Variants in THRB observed in about 807,000 individuals in gnomAD.
The protein encoded by THRB is thyroid hormone receptor beta, also known as nuclear receptor subfamily 1 group A member 2.
In THRB, 12 loss-of-function variants were observed where a neutral mutation model predicts 47.8. The ratio of observed to expected loss-of-function variants is 0.25; its 90% confidence interval spans 0.16 to 0.41. The LOEUF (loss-of-function observed/expected upper bound fraction) is 0.41. Ranked by LOEUF, THRB falls within the 10% of genes least tolerant of loss-of-function variation. The pLI is 1.00. For synonymous variants in THRB, 218 were observed against 212.2 expected, an observed-to-expected ratio of 1.03 and a Z score of -0.24; for missense variants, 348 against 589.2, an observed-to-expected ratio of 0.59 and a Z score of 4.24.
At chr3:24,346,663 A>G (rs1000806782) in intron 1 of THRB, among the ~76,000 whole-genome samples, 3 of 152,176 alleles carry the variant, frequency 2.0e-5, no homozygotes, top group Admixed American at 6.5e-5. Flanking sequence ...AAACTTAATG[A>G]CAAGGGATAT....
chr3:24,269,685 C>T (rs1042335205), intron 3 of THRB, among the ~76,000 whole-genome samples: 1 of 151,684 alleles, frequency 6.6e-6, no homozygotes, highest in African/African-American at 2.4e-5. Context: ...ATCCTCCCAC[C>T]TCAGCCTCCC....
intron 1 of THRB, among the ~76,000 whole-genome samples, chr3:24,479,384 T>C (rs1696024775): frequency 6.6e-6 from 1 of 152,068 alleles, no homozygotes; most frequent in South Asian, 2.1e-4. Context: ...CCCAACAAAT[T>C]ATGTGCTCTA....
chr3:24,170,527 G>A (rs1450780408), intron 5 of THRB, among the ~76,000 whole-genome samples: 2 of 152,176 alleles, frequency 1.3e-5, no homozygotes, highest in Non-Finnish European at 2.9e-5. Context: ...CCAAAAGGTG[G>A]TCCTTCCCCA....
In THRB at chr3:24,123,073, G is replaced by A; in HGVS notation, c.1197C>T (p.Phe399=). The change falls in exon 11 of 11, where the codon TTC becomes TTT. Residue 399 remains phenylalanine (F), a synonymous_variant. Coordinates refer to ENST00000646209, the MANE Select transcript of THRB (RefSeq NM_001354712.2). ...TGATATAGTGTTCAAAGGCCAGCAGGAAACTATCTTGGTACTTTTCTATTC... is the reference window on the plus strand; with the variant it reads ...TGATATAGTGTTCAAAGGCCAGCAGAAAACTATCTTGGTACTTTTCTATTC... ...VERIEKYQDS[F]LLAFEHYINY... is the part of the protein sequence containing the mutation. The A allele has an allele frequency of 6.2e-7, 1 of 1,614,188 alleles. No individual in the cohort carries two copies. The highest frequency in any genetic ancestry group is 8.5e-7 in the Non-Finnish European group (1 of 1,180,032).
rs1192631600 is a variant in THRB at position 24,228,888 on chromosome 3, G to A, written c.22+50C>T. 3.2e-6 allele frequency: 5 copies of A among 1,553,114 alleles called. No individual in the cohort carries two copies. In the South Asian group the frequency reaches 5.8e-5, roughly 18 times the overall value. ...TTAAGAATCTATAATTTCACTCTAG[G>A]TGGAACAAAAATGGAGGCACACAAA... On this transcript the variant is annotated intron_variant, in intron 4 of 10. Coordinates refer to ENST00000646209, the MANE Select transcript of THRB (RefSeq NM_001354712.2).
chr3:24,334,938 C>G (rs2062147442), intron 2 of THRB, among the ~76,000 whole-genome samples: 1 of 152,200 alleles, frequency 6.6e-6, no homozygotes, highest in Non-Finnish European at 1.5e-5. Flanking sequence ...AATGGGTATA[C>G]AACATGTGTA....
At chr3:24,462,342 G>A (rs1227699030) in intron 1 of THRB, among the ~76,000 whole-genome samples, 1 of 152,180 alleles carries the variant, frequency 6.6e-6, no homozygotes, top group Non-Finnish European at 1.5e-5. Context: ...TGATCTCTAT[G>A]TATCTCTCCA....
intron 2 of THRB, among the ~76,000 whole-genome samples, chr3:24,319,671 A>G (rs924038317): frequency 3.3e-5 from 5 of 152,220 alleles, no homozygotes; most frequent in Admixed American, 2.0e-4. Context: ...TACATAAAAA[A>G]ATGGAGCTTT....
At chr3:24,327,314 G>T (rs1488775300) in intron 2 of THRB, among the ~76,000 whole-genome samples, 5 of 151,982 alleles carry the variant, frequency 3.3e-5, no homozygotes, top group Admixed American at 3.3e-4. Flanking sequence ...TAGGAATTAA[G>T]AAATTTGAAT....
intron 3 of THRB, among the ~76,000 whole-genome samples, chr3:24,259,058 C>T (rs1233780340): frequency 6.6e-6 from 1 of 152,122 alleles, no homozygotes; most frequent in African/African-American, 2.4e-5. Flanking sequence ...TCCTTCGTGC[C>T]CCCACTGCAG....
intron 2 of THRB, among the ~76,000 whole-genome samples, chr3:24,310,634 G>A (rs1445116248): frequency 6.6e-6 from 1 of 152,066 alleles, no homozygotes; most frequent in Non-Finnish European, 1.5e-5. Flanking sequence ...ACCACATTTT[G>A]GGACTCACTG....
chr3:24,383,310 C>T (rs2065848709), intron 1 of THRB, among the ~76,000 whole-genome samples: 1 of 152,090 alleles, frequency 6.6e-6, no homozygotes, highest in African/African-American at 2.4e-5. Context: ...ATCCATTCAT[C>T]CATCCATATA....
At chr3:24,147,946 C>T (rs911346057) in intron 6 of THRB, among the ~76,000 whole-genome samples, 3 of 152,026 alleles carry the variant, frequency 2.0e-5, no homozygotes, top group African/African-American at 4.8e-5. Flanking sequence ...AACCCAGGAG[C>T]GGCACTCCAC....
intron 1 of THRB, among the ~76,000 whole-genome samples, chr3:24,412,351 A>AACCCC (rs1560126239): frequency 6.6e-6 from 1 of 151,854 alleles, no homozygotes; most frequent in Non-Finnish European, 1.5e-5. Flanking sequence ...CTTCCAAATA[A>AACCCC]ACCCCAGTTT....
At chr3:24,456,410 G>A (rs760679323) in intron 1 of THRB, among the ~76,000 whole-genome samples, 2 of 151,778 alleles carry the variant, frequency 1.3e-5, no homozygotes, top group Non-Finnish European at 2.9e-5. Flanking sequence ...GTTGTCACCT[G>A]ATAGAAATTC....
chr3:24,369,043 A>AT (rs1030115587), intron 1 of THRB, among the ~76,000 whole-genome samples: 13 of 152,076 alleles, frequency 8.5e-5, no homozygotes, highest in African/African-American at 2.9e-4. Context: ...TTATTATTTA[A>AT]TTTTTTTGAG....
At chr3:24,364,281 C>A (rs1033051817) in intron 1 of THRB, among the ~76,000 whole-genome samples, 17 of 152,188 alleles carry the variant, frequency 1.1e-4, no homozygotes, top group African/African-American at 3.9e-4. Flanking sequence ...TTATCAGTAT[C>A]CTCAGTCATT....
rs2031207732 is a variant in THRB at position 24,119,239 on chromosome 3, T to C, written c.*3645A>G. On this transcript the variant is annotated 3_prime_UTR_variant, in exon 11 of 11. Coordinates refer to ENST00000646209, the MANE Select transcript of THRB (RefSeq NM_001354712.2). Reference sequence around the variant, plus strand: ...AAAATTACGAGCTTATTTTAGAACCTGATGCCATAGCCGTTGGAAAGGGCA... The same window carrying C: ...AAAATTACGAGCTTATTTTAGAACCCGATGCCATAGCCGTTGGAAAGGGCA... 6.6e-6 allele frequency: 1 copy of C among 152,422 alleles called. No individual in the cohort carries two copies. The highest frequency in any genetic ancestry group is 1.5e-5 in the Non-Finnish European group (1 of 68,024). 9.4% of individuals were successfully genotyped at this position (152,422 alleles called of 1,614,324 possible).
intron 1 of THRB, chr3:24,486,680 G>C (rs921921565): frequency 1.1e-4 from 16 of 152,196 alleles, no homozygotes; most frequent in African/African-American, 3.6e-4. Flanking sequence ...TCAAGGAGAT[G>C]AGATGCTTTT....
Sources: allele counts gnomAD v4.1 joint callset (sites outside exome capture counted in the v4.1 genomes callset), GRCh38; gene constraint gnomAD v4.1.1; transcripts MANE v1.5; gene names NCBI Gene and HGNC (gene_info 2026-07-23, HGNC 2026-07-21).